The following MAF variants were observed in gnomAD, a reference collection of about 807,000 sequenced individuals.
MAF encodes the protein transcription factor Maf.
Under a neutral mutation model 22.0 loss-of-function variants are expected in MAF, and 10 were observed. The observed-to-expected ratio is 0.45, with a 90% CI of 0.28 to 0.77. The LOEUF is 0.77. MAF is among the 30% of genes least tolerant of loss of function. The pLI, the probability that MAF is intolerant of heterozygous loss-of-function variation, is 0.12. For missense variants in MAF, 544 were observed against 548.4 expected (o/e 0.99, Z 0.08); for synonymous variants, 337 against 255.8 (o/e 1.32, Z -3.03).
At chr16:79,334,103 C>G in the MAF span, among the ~76,000 whole-genome samples, 1 of 152,240 alleles carries the variant, frequency 6.6e-6, no homozygotes, top group Non-Finnish European at 1.5e-5. Context: ...GCAGCACATG[C>G]TCAAGAGAAG....
chr16:79,582,826 C>G (rs1001270140), downstream of MAF, among the ~76,000 whole-genome samples: 3 of 152,188 alleles, frequency 2.0e-5, no homozygotes, highest in African/African-American at 7.2e-5. Flanking sequence ...GAGCATTCTC[C>G]TTCCCTTCTT....
chr16:79,308,041 C>G, the MAF span, among the ~76,000 whole-genome samples: 1 of 152,170 alleles, frequency 6.6e-6, no homozygotes, highest in African/African-American at 2.4e-5. Context: ...CCTCAGTTTC[C>G]CTTGTTTTAA....
chr16:79,594,516 A>T lies in MAF; in HGVS notation c.1156T>A (p.Tyr386Asn). The T allele has an allele frequency of 3.2e-6, 5 of 1,566,612 alleles. No homozygotes were observed. The South Asian group carries it at 5.9e-5, about 18-fold the overall frequency. ...TGCTGGGGCTTCCAAAATGTGGCGT[A>T]TCCCACTGATGGCTCCAACTTGCGA... is the stretch of plus-strand genomic sequence containing the variant. ...PTRKLEPSVGYATFWKPQHRV... is the reference protein window; with the variant it reads ...PTRKLEPSVGNATFWKPQHRV... Residue 386 changes from tyrosine (Y) to asparagine (N), a missense_variant, in exon 2 of 2, where the codon TAC becomes AAC. Transcript: ENST00000326043.
chr16:79,286,267 A>G, the MAF span, among the ~76,000 whole-genome samples: 1 of 152,228 alleles, frequency 6.6e-6, no homozygotes, highest in Admixed American at 6.5e-5. Flanking sequence ...ATCTAGGTGA[A>G]CAGGCAAGTT....
the MAF span, among the ~76,000 whole-genome samples, chr16:79,413,333 C>T: frequency 6.9e-6 from 1 of 144,812 alleles, no homozygotes. Flanking sequence ...AGCTCCGCCT[C>T]CCGGGTTCAC....
the MAF span, among the ~76,000 whole-genome samples, chr16:79,416,332 T>C: frequency 6.6e-6 from 1 of 152,184 alleles, no homozygotes. Context: ...AGCGTCTCTG[T>C]GACAAGCTCC....
chr16:79,489,345 T>G, the MAF span, among the ~76,000 whole-genome samples: 10 of 152,232 alleles, frequency 6.6e-5, no homozygotes, highest in African/African-American at 1.9e-4. Context: ...ATTCATCTAT[T>G]TATCCATCCA....
chr16:79,439,417 A>G, the MAF span, among the ~76,000 whole-genome samples: 2 of 151,706 alleles, frequency 1.3e-5, no homozygotes, highest in African/African-American at 4.8e-5. Flanking sequence ...GCCCGTCACC[A>G]TGCCCGGCTA....
chr16:79,514,314 A>T, the MAF span, among the ~76,000 whole-genome samples: 1 of 152,152 alleles, frequency 6.6e-6, no homozygotes, highest in Non-Finnish European at 1.5e-5. Context: ...TTAAAAATTG[A>T]TTGCTGGGTT....
chr16:79,502,708 A>ATACATATAC, the MAF span, among the ~76,000 whole-genome samples: 2 of 34,008 alleles, frequency 5.9e-5, no homozygotes, highest in African/African-American at 9.0e-5. Context: ...TATAAATATA[A>ATACATATAC]ATATATATAT....
the MAF span, among the ~76,000 whole-genome samples, chr16:79,362,446 G>A: frequency 6.6e-6 from 1 of 152,156 alleles, no homozygotes; most frequent in African/African-American, 2.4e-5. Flanking sequence ...AGGTTAAATT[G>A]AGATCCTTCA....
At chr16:79,467,189 G>T in the MAF span, among the ~76,000 whole-genome samples, 1 of 151,936 alleles carries the variant, frequency 6.6e-6, no homozygotes, top group Admixed American at 6.6e-5. Context: ...CTTCTTACTT[G>T]TTCCTCCCTC....
the MAF span, among the ~76,000 whole-genome samples, chr16:79,525,878 G>C: frequency 2.6e-5 from 4 of 152,148 alleles, no homozygotes; most frequent in African/African-American, 9.7e-5. Flanking sequence ...TCGCGAGAAA[G>C]AATACAGTTA....
At chr16:79,563,485 C>G in the MAF span, among the ~76,000 whole-genome samples, 1 of 145,800 alleles carries the variant, frequency 6.9e-6, no homozygotes, top group Admixed American at 7.0e-5. Flanking sequence ...AGATATACAT[C>G]AAATTTTAAA....
At chr16:79,242,533 G>A in the MAF span, among the ~76,000 whole-genome samples, 6 of 151,972 alleles carry the variant, frequency 3.9e-5, no homozygotes, top group East Asian at 1.2e-3. Flanking sequence ...ACCCAATACC[G>A]GAGCACCCAG....
At chr16:79,263,571 T>A in the MAF span, among the ~76,000 whole-genome samples, 1 of 152,268 alleles carries the variant, frequency 6.6e-6, no homozygotes, top group Non-Finnish European at 1.5e-5. Context: ...CCCAGGATTC[T>A]CTTTCCTCTT....
At chr16:79,215,235 T>C in the MAF span, among the ~76,000 whole-genome samples, 1 of 152,160 alleles carries the variant, frequency 6.6e-6, no homozygotes, top group Non-Finnish European at 1.5e-5. Flanking sequence ...TCCATTCTGG[T>C]AGGATGCACC....
At chr16:79,535,913 A>G in the MAF span, among the ~76,000 whole-genome samples, 19,117 of 152,196 alleles carry the variant, frequency 0.13, 1,309 homozygotes, top group South Asian at 0.18. Context: ...TAGTTTAGCT[A>G]TATGTGATAC....
In MAF at chr16:79,599,976, T is replaced by C; in HGVS notation, c.-74A>G. 6.3e-7 allele frequency: 1 copy of C among 1,588,982 alleles called. No individual in the cohort carries two copies. Among genetic ancestry groups the C allele is most frequent in the South Asian group, 1.1e-5 (1 of 90,618 alleles). ...CAGGAGAGGGGCCAGCGGGCTGTGC[T>C]GGGTGGCCAGCGGGTGAGCCAGCTT... On this transcript the variant is annotated 5_prime_UTR_variant, in exon 1 of 2. Transcript: ENST00000326043.
Sources: allele counts gnomAD v4.1 joint callset (sites outside exome capture counted in the v4.1 genomes callset), GRCh38; gene constraint gnomAD v4.1.1; transcripts MANE v1.5; gene names NCBI Gene and HGNC (gene_info 2026-07-23, HGNC 2026-07-21).